The following GPC3 variants were observed in gnomAD, a reference collection of about 807,000 sequenced individuals.
GPC3 encodes the protein glypican 3, also known as glypican-3.
Under a neutral mutation model 34.4 loss-of-function variants are expected in GPC3, and 3 were observed. The observed-to-expected ratio is 0.09, with a 90% CI of 0.04 to 0.23. GPC3 has a LOEUF of 0.23. GPC3 is among the 10% of genes least tolerant of loss of function. GPC3 has a pLI of 1.00. For synonymous variants in GPC3, 177 were observed against 174.0 expected (o/e 1.02, Z -0.13); for missense variants, 351 against 445.6 (o/e 0.79, Z 1.91).
chrX:133,762,694 T>C, intron 2 of GPC3: 1 of 340,654 alleles, frequency 2.9e-6, no homozygotes, highest in East Asian at 6.0e-5. Context: ...GAATGACTAT[T>C]ATTAAAAAGT....
intron 2 of GPC3, among the ~76,000 whole-genome samples, chrX:133,825,299 C>T (rs561727090): frequency 1.8e-5 from 2 of 112,201 alleles, no homozygotes; most frequent in South Asian, 7.4e-4. Flanking sequence ...CTCCTGCTCT[C>T]CAGTTCTGCA....
At chrX:133,554,425 G>A (rs147644419) in intron 7 of GPC3, among the ~76,000 whole-genome samples, 148 of 109,420 alleles carry the variant, frequency 1.4e-3, no homozygotes, top group African/African-American at 4.1e-3. Context: ...TAGATTTCTC[G>A]TCAAAGAATT....
At chrX:133,557,409 G>T (rs1244779364) in intron 7 of GPC3, among the ~76,000 whole-genome samples, 1 of 111,535 alleles carries the variant, frequency 9.0e-6, no homozygotes, top group African/African-American at 3.3e-5. Flanking sequence ...GATGACCTGG[G>T]AGTCACAGTG....
chrX:133,902,061 T>C (rs2076146603), intron 2 of GPC3, among the ~76,000 whole-genome samples: 1 of 112,016 alleles, frequency 8.9e-6, no homozygotes, highest in Non-Finnish European at 1.9e-5. Context: ...ACAATGTCCT[T>C]TCCATTTCTA....
At chrX:133,815,290 C>T (rs1044078561) in intron 2 of GPC3, among the ~76,000 whole-genome samples, 7 of 108,341 alleles carry the variant, frequency 6.5e-5, no homozygotes, top group African/African-American at 1.0e-4. Context: ...CTCCTCCATA[C>T]ACATAGTTTT....
At chrX:133,786,451 C>T (rs1603247157) in intron 2 of GPC3, among the ~76,000 whole-genome samples, 2 of 112,657 alleles carry the variant, frequency 1.8e-5, no homozygotes, top group South Asian at 3.7e-4. Flanking sequence ...TTAAACACAA[C>T]TGAGACAGCC....
rs747511230 is a variant in GPC3, at chrX:133,544,402, A to C, written c.1574-8109T>G. The stretch of plus-strand genomic sequence containing the variant: ...GGGAAACATCACAGTGATTGTCCTT[A>C]ACTAGGGCTCAGACTGCTTCCTTTT... On this transcript the variant is annotated intron_variant, in intron 7 of 7. Transcript: ENST00000370818. Among the ~76,000 whole-genome samples, 72 of 112,127 alleles carry C rather than the reference A, an allele frequency of 6.4e-4. 1 individual carries two copies. Among genetic ancestry groups the C allele is most frequent in the Non-Finnish European group, 1.1e-3 (60 of 53,247 alleles).
intron 6 of GPC3, among the ~76,000 whole-genome samples, chrX:133,661,447 G>A (rs1426193627): frequency 9.0e-6 from 1 of 110,885 alleles, no homozygotes; most frequent in East Asian, 2.8e-4. Context: ...TAATTTAAAA[G>A]TGGGGTGAAA....
intron 6 of GPC3, among the ~76,000 whole-genome samples, chrX:133,627,727 T>C (rs964387014): frequency 1.8e-5 from 2 of 112,514 alleles, no homozygotes; most frequent in African/African-American, 3.2e-5. Context: ...TGCAATGTTT[T>C]GAGGCTTATT....
chrX:133,718,599 C>G (rs1228425217), intron 3 of GPC3, among the ~76,000 whole-genome samples: 3 of 111,048 alleles, frequency 2.7e-5, no homozygotes, highest in African/African-American at 9.8e-5. Flanking sequence ...TTCATTATTA[C>G]TCGTTTTATT....
chrX:133,802,437 G>T (rs1219831171), intron 2 of GPC3, among the ~76,000 whole-genome samples: 1 of 112,028 alleles, frequency 8.9e-6, no homozygotes, highest in Non-Finnish European at 1.9e-5. Context: ...TAAACTGTGT[G>T]GTTCTCAAGA....
At chrX:133,624,554 A>C (rs2070275454) in intron 6 of GPC3, among the ~76,000 whole-genome samples, 1 of 111,996 alleles carries the variant, frequency 8.9e-6, no homozygotes. Flanking sequence ...AAACTAGAAA[A>C]TCTAGAAGAA....
intron 2 of GPC3, among the ~76,000 whole-genome samples, chrX:133,853,205 T>TA (rs1470989248): frequency 7.2e-5 from 8 of 111,631 alleles, no homozygotes; most frequent in Non-Finnish European, 1.3e-4. Flanking sequence ...GGTGTGATAC[T>TA]ACACAAAGAA....
chrX:133,760,591 A>T (rs1256728180), intron 2 of GPC3, among the ~76,000 whole-genome samples: 1 of 111,731 alleles, frequency 9.0e-6, no homozygotes, highest in Non-Finnish European at 1.9e-5. Context: ...TAGAGACACT[A>T]AAAAGATCAA....
chrX:133,878,982 C>T lies in GPC3; in HGVS notation c.337+74068G>A, dbSNP rs760325680. Among the ~76,000 whole-genome samples, 101 of 111,239 alleles carry T rather than the reference C, an allele frequency of 9.1e-4. 2 individuals are homozygous for T. Among genetic ancestry groups the T allele is most frequent in the African/African-American group, 3.3e-3 (100 of 30,695 alleles). On this transcript the variant is annotated intron_variant, in intron 2 of 7. Transcript: ENST00000370818. Reference sequence around the variant, plus strand: ...AGTAATGCTGGAAAACTGTACAAGTCGAATGTCTGCTTGGGAAAATACAGG... The same window carrying T: ...AGTAATGCTGGAAAACTGTACAAGTTGAATGTCTGCTTGGGAAAATACAGG...
chrX:133,617,300 T>G (rs1210854060), intron 6 of GPC3, among the ~76,000 whole-genome samples: 1 of 111,963 alleles, frequency 8.9e-6, no homozygotes, highest in Non-Finnish European at 1.9e-5. Flanking sequence ...TAATTAAGCA[T>G]ATACCTGTCA....
At chrX:133,684,157 C>G (rs1422311312) in intron 5 of GPC3, among the ~76,000 whole-genome samples, 1 of 112,215 alleles carries the variant, frequency 8.9e-6, no homozygotes, top group Non-Finnish European at 1.9e-5. Context: ...TTCTTGGGCA[C>G]ACACTCAGGC....
intron 2 of GPC3, among the ~76,000 whole-genome samples, chrX:133,895,936 C>T (rs1042256210): frequency 2.7e-5 from 3 of 111,879 alleles, no homozygotes; most frequent in African/African-American, 9.8e-5. Flanking sequence ...ACTTTTCACT[C>T]TATATAAAAA....
chrX:133,891,248 G>A (rs906678111), intron 2 of GPC3, among the ~76,000 whole-genome samples: 3 of 110,651 alleles, frequency 2.7e-5, no homozygotes, highest in African/African-American at 6.6e-5. Flanking sequence ...TATAGAGACC[G>A]CAAGTTGATA....
Sources: gnomAD v4.1 joint callset for allele counts (sites outside exome capture counted in the v4.1 genomes callset) on GRCh38, gnomAD v4.1.1 for gene constraint, MANE v1.5 for transcripts, NCBI Gene and HGNC (gene_info 2026-07-23, HGNC 2026-07-21) for gene names.